The following WDFY3 variants were observed in gnomAD, a reference collection of about 807,000 sequenced individuals.
WDFY3 encodes WD repeat and FYVE domain containing 3.
Under a neutral mutation model 409.6 loss-of-function variants are expected in WDFY3, and 66 were observed. The ratio of observed to expected loss-of-function variants is 0.16; its 90% CI spans 0.13 to 0.20. The LOEUF is 0.20. Among genes scored for constraint, WDFY3 ranks in the 10% least tolerant of loss-of-function variants. The pLI, the probability that WDFY3 is intolerant of heterozygous loss-of-function variation, is 1.00. For missense variants in WDFY3, 3,031 were observed against 4,298.1 expected, an observed-to-expected ratio of 0.71 and a Z score of 8.24; for synonymous variants, 1,521 against 1,537.1, an observed-to-expected ratio of 0.99 and a Z score of 0.25.
chr4:84,798,739 A>G (rs1749954981), intron 17 of WDFY3, among the ~76,000 whole-genome samples: 1 of 152,080 alleles, frequency 6.6e-6, no homozygotes. Context: ...AGACCATATT[A>G]TTTTACTATT....
Position 84,740,462 on chromosome 4 carries a change from A to G in WDFY3, c.6235-46T>C, listed in dbSNP as rs17009235. ...TTTTTAGTATAATAGACAAAAGTAA[A>G]ACACCTGTTAATCATTCATACATGA... On this transcript the variant is annotated intron_variant, in intron 38 of 67. Coordinates refer to ENST00000295888, the MANE Select transcript of WDFY3 (RefSeq NM_014991.6). The G allele has an allele frequency of 6.1e-3, 9,668 of 1,579,698 alleles. 437 individuals carry two copies. In the African/African-American group the frequency reaches 0.11, roughly 18 times the overall value.
chr4:84,908,258 G>C (rs1282701053), intron 2 of WDFY3, among the ~76,000 whole-genome samples: 1 of 152,100 alleles, frequency 6.6e-6, no homozygotes, highest in African/African-American at 2.4e-5. Context: ...TAGAATGATG[G>C]CCTGAAATAT....
At chr4:84,918,520 GGAAA>G (rs745748915) in intron 2 of WDFY3, among the ~76,000 whole-genome samples, 7 of 151,910 alleles carry the variant, frequency 4.6e-5, no homozygotes, top group African/African-American at 7.3e-5. Context: ...AGGAAACATT[GGAAA>G]GATAAACCAA....
chr4:84,799,634 T>C (rs1196166042), intron 17 of WDFY3, among the ~76,000 whole-genome samples: 1 of 152,084 alleles, frequency 6.6e-6, no homozygotes, highest in African/African-American at 2.4e-5. Context: ...TACTAGACGA[T>C]ACATTTTTTA....
At chr4:84,922,691 G>A (rs1179099956) in intron 2 of WDFY3, among the ~76,000 whole-genome samples, 12 of 151,746 alleles carry the variant, frequency 7.9e-5, no homozygotes, top group African/African-American at 2.2e-4. Flanking sequence ...ACAGGGTCTC[G>A]CTCTTCTGCT....
chr4:84,697,508 T>C (rs1730329564), intron 56 of WDFY3, among the ~76,000 whole-genome samples: 1 of 152,210 alleles, frequency 6.6e-6, no homozygotes, highest in South Asian at 2.1e-4. Flanking sequence ...ATAAATAATA[T>C]TTATTCCATA....
At chr4:84,739,453 A>C (rs999516537) in intron 39 of WDFY3, 1 of 250,166 alleles carries the variant, frequency 4.0e-6, no homozygotes, top group Non-Finnish European at 7.9e-6. Flanking sequence ...TCCTCTCTCC[A>C]GTCTTATATC....
At chr4:84,910,477 C>G (rs1767610757) in intron 2 of WDFY3, among the ~76,000 whole-genome samples, 1 of 151,574 alleles carries the variant, frequency 6.6e-6, no homozygotes, top group African/African-American at 2.4e-5. Flanking sequence ...TAATATGGAC[C>G]AACAGAATGG....
At chr4:84,791,958 T>C (rs1426621416) in intron 21 of WDFY3, among the ~76,000 whole-genome samples, 1 of 152,142 alleles carries the variant, frequency 6.6e-6, no homozygotes, top group Non-Finnish European at 1.5e-5. Context: ...ACTTAACAAA[T>C]GGCAAGACAG....
At chr4:84,759,014 C>G (rs1203584572) in intron 32 of WDFY3, among the ~76,000 whole-genome samples, 1 of 152,174 alleles carries the variant, frequency 6.6e-6, no homozygotes, top group Non-Finnish European at 1.5e-5. Flanking sequence ...TTTCAGCTTT[C>G]TACATATGGC....
At position 84,874,337 on chromosome 4, in the gene WDFY3, C is replaced by T. The variant is rs542590209; in HGVS notation, c.-31-13715G>A. ...CTGAGGCAGGAGAATTGCTTGAGCC[C>T]AGGAGGCGGAGGTTGCAGTGAGCCG... On this transcript the variant is annotated intron_variant, in intron 3 of 67. Transcript: ENST00000295888. Among the ~76,000 whole-genome samples, 417 of 151,924 alleles carry T rather than the reference C, an allele frequency of 2.7e-3. 3 individuals are homozygous for T. The highest frequency in any genetic ancestry group is 5.3e-3 in the Non-Finnish European group (358 of 67,952).
At chr4:84,726,367 A>G (rs1735655942) in intron 45 of WDFY3, among the ~76,000 whole-genome samples, 1 of 152,076 alleles carries the variant, frequency 6.6e-6, no homozygotes, top group Non-Finnish European at 1.5e-5. Context: ...CTTTTCTACT[A>G]ATTAAAATAA....
chr4:84,706,711 G>A (rs1217017500), intron 53 of WDFY3, among the ~76,000 whole-genome samples: 2 of 152,018 alleles, frequency 1.3e-5, no homozygotes, highest in Non-Finnish European at 2.9e-5. Context: ...GAGTTAGTTG[G>A]TGGAGAGAAG....
In WDFY3 at chr4:84,829,043, A is replaced by G. The variant is rs947150620; in HGVS notation, c.917T>C (p.Ile306Thr). The G allele has an allele frequency of 1.9e-6, 3 of 1,613,230 alleles. No homozygotes were observed. Among genetic ancestry groups the G allele is most frequent in the Non-Finnish European group, 2.5e-6 (3 of 1,179,588 alleles). The stretch of plus-strand genomic sequence containing the variant: ...ACAAAGAAAATTATATCCTTGCCAT[A>G]TCCGAAAATCATCCAGAAGTGTTTG... ...VSQTLLDDFR[I>T]WQGYNFLCDL... The change falls in exon 9 of 68, where the codon ATA becomes ACA. Residue 306 changes from isoleucine (I) to threonine (T), a missense_variant. Ile to Thr is a moderately conservative substitution (Grantham distance 89). Transcript: ENST00000295888.
intron 64 of WDFY3, among the ~76,000 whole-genome samples, chr4:84,680,037 C>T (rs1727090424): frequency 6.6e-6 from 1 of 151,878 alleles, no homozygotes; most frequent in Admixed American, 6.6e-5. Flanking sequence ...ACTACAGGCA[C>T]CCACCACCAC....
At chr4:84,913,496 G>A (rs1022835338) in intron 2 of WDFY3, among the ~76,000 whole-genome samples, 16 of 152,124 alleles carry the variant, frequency 1.1e-4, no homozygotes, top group Non-Finnish European at 2.2e-4. Context: ...AAACTCAAAC[G>A]CTAGTACACA....
chr4:84,758,022 T>C (rs1346293246), intron 32 of WDFY3, among the ~76,000 whole-genome samples: 2 of 152,196 alleles, frequency 1.3e-5, no homozygotes, highest in Middle Eastern at 3.2e-3. Flanking sequence ...CAGTTCTTAC[T>C]AATGTAGCTT....
intron 27 of WDFY3, 56 bp downstream of exon 27, chr4:84,778,447 T>C: frequency 7.1e-7 from 1 of 1,409,652 alleles, no homozygotes; most frequent in Non-Finnish European, 9.4e-7. Context: ...TATAATCATA[T>C]GGAGTAAGAA....
intron 2 of WDFY3, among the ~76,000 whole-genome samples, chr4:84,911,508 A>G (rs1767785034): frequency 6.6e-6 from 1 of 152,148 alleles, no homozygotes; most frequent in Admixed American, 6.6e-5. Flanking sequence ...AAAAGGGCAA[A>G]GGAGCAAATT....
Sources: allele counts gnomAD v4.1 joint callset (sites outside exome capture counted in the v4.1 genomes callset), GRCh38; gene constraint gnomAD v4.1.1; transcripts MANE v1.5; gene names NCBI Gene and HGNC (gene_info 2026-07-23, HGNC 2026-07-21).